SSH2: variants seen among roughly 807,000 people sequenced by gnomAD.
SSH2 encodes the protein slingshot protein phosphatase 2, also known as protein phosphatase Slingshot homolog 2.
SSH2 carries 37 observed loss-of-function variants against 135.2 expected under a neutral mutation model. That is an observed-to-expected ratio of 0.27 (90% confidence interval 0.21 to 0.36). The LOEUF is 0.36. Among genes scored for constraint, SSH2 ranks in the 10% least tolerant of loss-of-function variants. The pLI is 1.00. For synonymous variants in SSH2, 628 were observed against 646.2 expected, an observed-to-expected ratio of 0.97 and a Z score of 0.43; for missense variants, 1,408 against 1,765.3, an observed-to-expected ratio of 0.80 and a Z score of 3.63.
At chr17:29,922,232 A>T (rs1010072029) in intron 1 of SSH2, among the ~76,000 whole-genome samples, 15 of 152,240 alleles carry the variant, frequency 9.9e-5, no homozygotes, top group African/African-American at 2.7e-4. Context: ...GGGAAGAGAC[A>T]GGGCTGAAGA....
intron 1 of SSH2, among the ~76,000 whole-genome samples, chr17:29,866,421 C>G (rs761428666): frequency 2.0e-5 from 3 of 152,170 alleles, no homozygotes; most frequent in Non-Finnish European, 4.4e-5. Flanking sequence ...TGATCAACAC[C>G]TATATAGTGC....
intron 3 of SSH2, among the ~76,000 whole-genome samples, chr17:29,781,473 CTTTTTTTTTTTTT>C (rs541361010): frequency 2.4e-5 from 2 of 81,840 alleles, no homozygotes; most frequent in East Asian, 3.6e-4. Flanking sequence ...CCTGTGTTTT[CTTTTTTTTTTTTT>C]TTTTTTTTTT....
rs768151788 is a variant in SSH2, at chr17:29,631,333, G to A, written c.3861C>T (p.Leu1287=). 21 of 1,614,046 alleles carry A rather than the reference G, an allele frequency of 1.3e-5. No homozygotes were observed. The highest frequency in any genetic ancestry group is 3.3e-4 in the Middle Eastern group (2 of 6,084). ...AGAGGTCCAAGTAACCTAATTTGGC[G>A]AGAGAAGCTGAGCGCCTCATTTGGG... ...KPSQMRRSAS[L]AKLGYLDLCK... The change falls in exon 16 of 16, where the codon CTC becomes CTT. Residue 1287 remains leucine, a synonymous_variant. Transcript: ENST00000540801.
chr17:29,780,333 T>A (rs2151287175), intron 3 of SSH2: 1 of 152,244 alleles, frequency 6.6e-6, no homozygotes, highest in African/African-American at 2.4e-5. Flanking sequence ...CTCTATTTCT[T>A]AAAGAAGAGT....
At chr17:29,763,194 T>C (rs898580139) in intron 3 of SSH2, among the ~76,000 whole-genome samples, 1 of 152,154 alleles carries the variant, frequency 6.6e-6, no homozygotes, top group African/African-American at 2.4e-5. Context: ...GGACTTGAAA[T>C]ACTGAAAACT....
At chr17:29,729,287 G>C (rs2040102802) in intron 3 of SSH2, among the ~76,000 whole-genome samples, 1 of 152,120 alleles carries the variant, frequency 6.6e-6, no homozygotes, top group African/African-American at 2.4e-5. Context: ...TACATGAAAA[G>C]GTGCTCAACA....
intron 3 of SSH2, among the ~76,000 whole-genome samples, chr17:29,744,426 T>C (rs962041322): frequency 1.3e-5 from 2 of 152,220 alleles, no homozygotes; most frequent in Non-Finnish European, 2.9e-5. Flanking sequence ...CTGCAGTATC[T>C]CTTTTTTGAC....
At chr17:29,736,548 G>A (rs574030776) in intron 3 of SSH2, among the ~76,000 whole-genome samples, 99 of 152,262 alleles carry the variant, frequency 6.5e-4, no homozygotes, top group African/African-American at 2.2e-3. Flanking sequence ...AACACTTTGG[G>A]AGGCCAAGGC....
intron 3 of SSH2, among the ~76,000 whole-genome samples, chr17:29,736,493 A>C (rs923708112): frequency 1.3e-5 from 2 of 152,210 alleles, no homozygotes; most frequent in Non-Finnish European, 2.9e-5. Flanking sequence ...GTTACTATAA[A>C]GGCTAATTTT....
chr17:29,836,549 A>G (rs2042946938), intron 2 of SSH2, among the ~76,000 whole-genome samples: 1 of 152,260 alleles, frequency 6.6e-6, no homozygotes, highest in African/African-American at 2.4e-5. Context: ...ACAGGGATAA[A>G]TACTACTGAC....
intron 1 of SSH2, among the ~76,000 whole-genome samples, chr17:29,866,778 G>A (rs888874732): frequency 3.9e-5 from 6 of 152,236 alleles, no homozygotes; most frequent in East Asian, 1.9e-4. Flanking sequence ...TTTGGGTTAG[G>A]CTTCTGCTAT....
intron 1 of SSH2, among the ~76,000 whole-genome samples, chr17:29,892,783 C>G (rs1043327236): frequency 1.3e-5 from 2 of 152,060 alleles, no homozygotes; most frequent in African/African-American, 4.8e-5. Flanking sequence ...TCTGGAACCT[C>G]TCTCCTCCCA....
chr17:29,784,232 A>G (rs2151292941), intron 3 of SSH2, among the ~76,000 whole-genome samples: 1 of 151,452 alleles, frequency 6.6e-6, no homozygotes, highest in East Asian at 1.9e-4. Context: ...ACTAAAAATA[A>G]AAATAGGCTG....
chr17:29,796,171 T>C (rs1250218571), intron 2 of SSH2, among the ~76,000 whole-genome samples: 7 of 152,238 alleles, frequency 4.6e-5, no homozygotes, highest in Non-Finnish European at 7.3e-5. Flanking sequence ...CCAACACTGT[T>C]GCTTCTGTTT....
intron 1 of SSH2, among the ~76,000 whole-genome samples, chr17:29,877,919 C>CA (rs996550928): frequency 5.9e-5 from 9 of 151,876 alleles, no homozygotes; most frequent in South Asian, 4.2e-4. Flanking sequence ...CCTGTCTCTA[C>CA]AAAAAAAATT....
chr17:29,779,100 A>T (rs2617880), intron 3 of SSH2, among the ~76,000 whole-genome samples: 3 of 151,748 alleles, frequency 2.0e-5, no homozygotes, highest in East Asian at 3.9e-4. Context: ...TTTTTTTCTA[A>T]CGGAAGGAAG....
chr17:29,726,038 AAGG>A (rs773482637), intron 3 of SSH2, among the ~76,000 whole-genome samples: 4 of 152,232 alleles, frequency 2.6e-5, no homozygotes, highest in Non-Finnish European at 5.9e-5. Flanking sequence ...AAAAAATGAC[AAGG>A]TGCACTGCTG....
At position 29,631,057 on chromosome 17, in the gene SSH2, A is replaced by T; in HGVS notation, c.4137T>A (p.Ser1379=). The T allele has an allele frequency of 6.2e-7, 1 of 1,614,234 alleles. No individual in the cohort carries two copies. Among genetic ancestry groups the T allele is most frequent in the Non-Finnish European group, 8.5e-7 (1 of 1,180,048 alleles). Residue 1379 remains serine (S), a synonymous_variant, in exon 16 of 16, where the codon TCT becomes TCA. Coordinates refer to ENST00000540801, the MANE Select transcript of SSH2 (RefSeq NM_001282129.2). The stretch of plus-strand genomic sequence containing the variant: ...CCCTGGGGAGCAAATACTGCTGACT[A>T]GAACCAAATTCTTTGGCATACTGCA... The part of the protein sequence containing the change: ...PLVQYAKEFG[S]SQQYLLPRAG...
chr17:29,874,784 T>C (rs914916097), intron 1 of SSH2, among the ~76,000 whole-genome samples: 2 of 152,216 alleles, frequency 1.3e-5, no homozygotes, highest in African/African-American at 4.8e-5. Context: ...ATTGCCTTTA[T>C]GAGCTGTGAA....
Sources: gnomAD v4.1 joint callset for allele counts (sites outside exome capture counted in the v4.1 genomes callset) on GRCh38, gnomAD v4.1.1 for gene constraint, MANE v1.5 for transcripts, NCBI Gene and HGNC (gene_info 2026-07-23, HGNC 2026-07-21) for gene names.